Variants in CADM2 observed in about 807,000 individuals in gnomAD.
CADM2 encodes cell adhesion molecule 2.
Under a neutral mutation model 49.8 loss-of-function variants are expected in CADM2, and 12 were observed. That is an observed-to-expected ratio of 0.24 (90% confidence interval 0.15 to 0.39). The LOEUF is 0.39. CADM2 is among the 10% of genes least tolerant of loss of function. The pLI is 1.00. For synonymous variants in CADM2, 214 were observed against 175.4 expected (o/e 1.22, Z -1.74); for missense variants, 378 against 492.3 (o/e 0.77, Z 2.20).
At chr3:85,041,161 C>T (rs528899990) in intron 1 of CADM2, among the ~76,000 whole-genome samples, 1 of 152,124 alleles carries the variant, frequency 6.6e-6, no homozygotes. Flanking sequence ...TTTCTTTAAA[C>T]TTATTGTGTA....
chr3:85,108,439 T>C (rs2038329917), intron 1 of CADM2, among the ~76,000 whole-genome samples: 2 of 152,076 alleles, frequency 1.3e-5, no homozygotes, highest in African/African-American at 4.8e-5. Flanking sequence ...AAATAAGCCA[T>C]AAAAAGACAA....
intron 1 of CADM2, among the ~76,000 whole-genome samples, chr3:85,305,653 C>T (rs2044195588): frequency 6.6e-6 from 1 of 151,576 alleles, no homozygotes; most frequent in Non-Finnish European, 1.5e-5. Flanking sequence ...TTTCCAAAAT[C>T]AGAATATTAA....
At chr3:85,304,178 A>G (rs13087094) in intron 1 of CADM2, among the ~76,000 whole-genome samples, 62,510 of 151,580 alleles carry the variant, frequency 0.41, 14,762 homozygotes, top group Admixed American at 0.56. Flanking sequence ...CATGAAAAAT[A>G]CATATCTGAA....
chr3:85,102,870 G>A (rs1190889767), intron 1 of CADM2, among the ~76,000 whole-genome samples: 2 of 152,102 alleles, frequency 1.3e-5, no homozygotes, highest in Non-Finnish European at 2.9e-5. Context: ...GGAAGGAAAG[G>A]GCACTCATAA....
At chr3:85,173,026 G>T (rs1430178849) in intron 1 of CADM2, among the ~76,000 whole-genome samples, 11 of 139,780 alleles carry the variant, frequency 7.9e-5, no homozygotes, top group Admixed American at 3.7e-4. Flanking sequence ...ATGGAGTCTT[G>T]CTCTGTCGCC....
rs17023208 is a variant in CADM2 at position 85,705,989 on chromosome 3, C to A, written c.62-20533C>A. 2.2e-3 allele frequency among the ~76,000 whole-genome samples: 339 copies of A among 152,196 alleles called. 5 individuals carry two copies. The highest frequency in any genetic ancestry group is 0.022 in the East Asian group (114 of 5,172). On this transcript the variant is annotated intron_variant, in intron 1 of 9. Transcript: ENST00000383699. ...ATAGGTACACTAACATTTAGTATGA[C>A]CTCAGATTTATCTCTTAAAAAATGT...
chr3:85,558,285 A>G (rs142444606), intron 1 of CADM2, among the ~76,000 whole-genome samples: 4 of 152,158 alleles, frequency 2.6e-5, no homozygotes, highest in Non-Finnish European at 5.9e-5. Flanking sequence ...ATTGCTCTCC[A>G]TCTAAATTTT....
chr3:85,886,318 G>C lies in CADM2; in HGVS notation c.520G>C (p.Glu174Gln), dbSNP rs1440716744. 6.2e-7 allele frequency: 1 copy of C among 1,609,402 alleles called. No individual in the cohort carries two copies. Among genetic ancestry groups the C allele is most frequent in the South Asian group, 1.1e-5 (1 of 90,840 alleles). Residue 174 changes from glutamate to glutamine, a missense_variant, in exon 5 of 10, where the codon GAG becomes CAG. Physicochemically the swap from Glu to Gln is conservative, Grantham distance 29. Transcript: ENST00000383699. ...ADIRWFKNDK[E>Q]IKDVKYLKEE... ...TATAAGATGGTTCAAAAATGACAAA[G>C]AGATTAAAGGTAAAGAATAGAAAAA... is the stretch of plus-strand genomic sequence containing the variant.
chr3:85,210,742 A>C (rs2041758914), intron 1 of CADM2, among the ~76,000 whole-genome samples: 1 of 152,004 alleles, frequency 6.6e-6, no homozygotes, highest in Non-Finnish European at 1.5e-5. Flanking sequence ...AGTTTTTGCC[A>C]TGTTGCCCAT....
intron 8 of CADM2, among the ~76,000 whole-genome samples, chr3:85,965,807 A>G (rs1725403917): frequency 6.6e-6 from 1 of 151,678 alleles, no homozygotes; most frequent in South Asian, 2.1e-4. Flanking sequence ...CATGCAAGGT[A>G]TGGATCTAGG....
chr3:85,745,908 T>C (rs1175488618), intron 2 of CADM2, among the ~76,000 whole-genome samples: 1 of 152,006 alleles, frequency 6.6e-6, no homozygotes, highest in Admixed American at 6.6e-5. Flanking sequence ...TTCTCCATGG[T>C]CCATTTATTT....
intron 1 of CADM2, among the ~76,000 whole-genome samples, chr3:85,685,140 C>T (rs556302575): frequency 5.3e-5 from 8 of 152,018 alleles, no homozygotes; most frequent in South Asian, 2.1e-4. Flanking sequence ...TAGTGCCAGG[C>T]GCCCACCTGG....
chr3:85,385,665 T>C (rs1403290732), intron 1 of CADM2: 1 of 152,032 alleles, frequency 6.6e-6, no homozygotes, highest in Non-Finnish European at 1.5e-5. Flanking sequence ...CTTTTTTAAT[T>C]ATGTTCAACA....
intron 2 of CADM2, among the ~76,000 whole-genome samples, chr3:85,731,567 G>A (rs1180098737): frequency 3.9e-5 from 6 of 152,012 alleles, no homozygotes; most frequent in Admixed American, 1.3e-4. Context: ...ACAAAAACAT[G>A]TAGTCCTAGG....
rs200627018 is a variant in CADM2, at chr3:85,515,610, AAT to A, written c.62-210891_62-210890del. On this transcript the variant is annotated intron_variant, in intron 1 of 9. Coordinates refer to ENST00000383699, the MANE Select transcript of CADM2 (RefSeq NM_001167675.2). ...ACAGGAGAGTGCCACCACGCCCACT[AAT>A]ATATATATATATATATATATTTTTT... Among the ~76,000 whole-genome samples the A allele has an allele frequency of 2.6e-4, 30 of 113,304 alleles. 1 individual carries two copies. The highest frequency in any genetic ancestry group is 1.3e-3 in the East Asian group (4 of 3,162). The allele number at this position is 113,304 out of a possible 152,430, so 74.3% of individuals were successfully genotyped here.
intron 1 of CADM2, among the ~76,000 whole-genome samples, chr3:84,987,837 G>A (rs947095060): frequency 3.9e-5 from 6 of 152,142 alleles, no homozygotes; most frequent in Admixed American, 1.3e-4. Flanking sequence ...ATCTACTAAT[G>A]TACCACAACT....
At chr3:85,713,749 A>G (rs1186882209) in intron 1 of CADM2, among the ~76,000 whole-genome samples, 2 of 152,162 alleles carry the variant, frequency 1.3e-5, no homozygotes, top group Non-Finnish European at 2.9e-5. Flanking sequence ...AAATGACCAC[A>G]TTTTCATCAT....
In CADM2 at chr3:84,959,457, G is replaced by C. The variant is rs574766954; in HGVS notation, c.-151G>C. ...CTGCCGCTTCTGCTGCCGCCGATCC[G>C]AGTCCGCGGGTTCGAACACCGCAGC... is the stretch of plus-strand genomic sequence containing the variant. On this transcript the variant is annotated 5_prime_UTR_variant, in exon 1 of 10. Transcript: ENST00000383699. 1 of 665,850 alleles carries C rather than the reference G, an allele frequency of 1.5e-6. No individual in the cohort carries two copies. Among genetic ancestry groups the C allele is most frequent in the Admixed American group, 3.0e-5 (1 of 33,752 alleles). The allele number at this position is 665,850 out of a possible 1,614,324, so 41.2% of individuals were successfully genotyped here. A position where few individuals can be genotyped will look rare whatever the true frequency, so the allele number is the denominator to read the frequency against.
chr3:85,128,226 C>T (rs879182369), intron 1 of CADM2, among the ~76,000 whole-genome samples: 10 of 152,164 alleles, frequency 6.6e-5, no homozygotes, highest in Admixed American at 2.0e-4. Context: ...TCAAGTAAGA[C>T]GCTTTTTAAG....
Sources: gnomAD v4.1 joint callset for allele counts (sites outside exome capture counted in the v4.1 genomes callset) on GRCh38, gnomAD v4.1.1 for gene constraint, MANE v1.5 for transcripts, NCBI Gene and HGNC (gene_info 2026-07-23, HGNC 2026-07-21) for gene names.